Variants in PPP2R2B observed in about 807,000 individuals in gnomAD.
The protein encoded by PPP2R2B is protein phosphatase 2 regulatory subunit Bbeta.
In PPP2R2B, 5 loss-of-function variants were observed where a neutral mutation model predicts 46.0. That is an observed-to-expected ratio of 0.11 (90% confidence interval 0.06 to 0.23). The LOEUF is 0.23. Among genes scored for constraint, PPP2R2B ranks in the 10% least tolerant of loss-of-function variants. The pLI is 1.00. For missense variants in PPP2R2B, 367 were observed against 575.0 expected, an observed-to-expected ratio of 0.64 and a Z score of 3.70; for synonymous variants, 215 against 206.7, an observed-to-expected ratio of 1.04 and a Z score of -0.34.
chr5:146,771,816 C>T (rs1009342108), intron 2 of PPP2R2B, among the ~76,000 whole-genome samples: 2 of 152,238 alleles, frequency 1.3e-5, no homozygotes, highest in South Asian at 4.1e-4. Flanking sequence ...CTAGCCAATG[C>T]AATGTGGGTG....
Position 146,855,014 on chromosome 5 carries a change from AG to A in PPP2R2B, c.70+22987del, listed in dbSNP as rs1351482036. ...TCTCCCTCCATCTTGGAGGAGGAATAGGGGGCATAAAAGTTGGAAGCTCCAG... is the reference window on the plus strand; with the variant it reads ...TCTCCCTCCATCTTGGAGGAGGAATAGGGGCATAAAAGTTGGAAGCTCCAG... On this transcript the variant is annotated intron_variant, in intron 2 of 9. Transcript: ENST00000394411. 2.0e-5 allele frequency among the ~76,000 whole-genome samples: 3 copies of A among 152,134 alleles called. No individual in the cohort carries two copies. In the East Asian group the frequency reaches 5.8e-4, roughly 29 times the overall value.
chr5:147,007,817 C>T (rs945388771), intron 1 of PPP2R2B, among the ~76,000 whole-genome samples: 2 of 152,130 alleles, frequency 1.3e-5, no homozygotes, highest in African/African-American at 2.4e-5. Context: ...ACCATGAACC[C>T]ACAACTGGAC....
chr5:146,711,292 C>T (rs919190881), intron 2 of PPP2R2B, among the ~76,000 whole-genome samples: 2 of 152,032 alleles, frequency 1.3e-5, no homozygotes, highest in African/African-American at 4.8e-5. Flanking sequence ...TAATGGATCA[C>T]TGAATGGGCA....
intron 2 of PPP2R2B, among the ~76,000 whole-genome samples, chr5:146,829,996 A>G (rs889949307): frequency 4.5e-4 from 68 of 152,318 alleles, no homozygotes; most frequent in African/African-American, 1.5e-3. Flanking sequence ...TTGTGAGAAT[A>G]CCTACATCAT....
At chr5:146,792,741 G>A (rs1212872809) in intron 2 of PPP2R2B, among the ~76,000 whole-genome samples, 1 of 152,200 alleles carries the variant, frequency 6.6e-6, no homozygotes, top group African/African-American at 2.4e-5. Flanking sequence ...AACTGCCAAT[G>A]TTAAGGCCTT....
In PPP2R2B at chr5:146,781,070, C is replaced by A. The variant is rs1156829799; in HGVS notation, c.71-79928G>T. On this transcript the variant is annotated intron_variant, in intron 2 of 9. Transcript: ENST00000394411. ...CTATTGACAGAGCATTTATTATTTG[C>A]TCTGGACTATGTTAACTTCTTCCTA... 3.6e-5 allele frequency among the ~76,000 whole-genome samples: 5 copies of A among 139,558 alleles called. No individual in the cohort carries two copies. The Admixed American group carries it at 3.9e-4, about 11-fold the overall frequency. 91.6% of individuals were successfully genotyped at this position (139,558 alleles called of 152,430 possible).
At chr5:146,920,277 A>G (rs891406525) in intron 1 of PPP2R2B, among the ~76,000 whole-genome samples, 3 of 152,050 alleles carry the variant, frequency 2.0e-5, no homozygotes, top group Non-Finnish European at 4.4e-5. Context: ...CGTAATAACT[A>G]GTGACATGGG....
rs1561746782 is a variant in PPP2R2B at position 146,590,392 on chromosome 5, T to TGTGTG, written c.1053-167_1053-166insCACAC. On this transcript the variant is annotated intron_variant, in intron 9 of 9. Transcript: ENST00000394411. ...TGTGATTATTGGCTTTTTGTTTTTT[T>TGTGTG]TTTGTGTTTTTTTTTTTTTTTTTTG... 6.3e-4 allele frequency among the ~76,000 whole-genome samples: 94 copies of TGTGTG among 148,668 alleles called. 1 individual carries two copies. The highest frequency in any genetic ancestry group is 2.3e-3 in the African/African-American group (92 of 39,170).
intron 2 of PPP2R2B, among the ~76,000 whole-genome samples, chr5:146,873,413 T>C (rs1761722822): frequency 6.6e-6 from 1 of 152,186 alleles, no homozygotes; most frequent in South Asian, 2.1e-4. Flanking sequence ...TCTGATCATG[T>C]TTCCCTTTTC....
intron 2 of PPP2R2B, among the ~76,000 whole-genome samples, chr5:146,823,405 G>T (rs1201464983): frequency 6.6e-6 from 1 of 151,866 alleles, no homozygotes; most frequent in Non-Finnish European, 1.5e-5. Flanking sequence ...CACCATGTTA[G>T]CCAGGATGGT....
rs138417072 is a variant in PPP2R2B at position 147,023,848 on chromosome 5, T to G, written c.79+31817A>C. 6.0e-4 allele frequency among the ~76,000 whole-genome samples: 90 copies of G among 149,600 alleles called. 1 individual carries two copies. The East Asian group carries it at 0.017, about 29-fold the overall frequency. On this transcript the variant is annotated intron_variant, in intron 1 of 8. Transcript: ENST00000336640. ...AGGGCCCAGACAGAAAAAAAAAAAGTAGAGGAAGGACAAATTTGCTCTTTC... is the reference window on the plus strand; with the variant it reads ...AGGGCCCAGACAGAAAAAAAAAAAGGAGAGGAAGGACAAATTTGCTCTTTC...
chr5:146,887,311 T>C (rs1313031495), intron 1 of PPP2R2B, among the ~76,000 whole-genome samples: 1 of 152,126 alleles, frequency 6.6e-6, no homozygotes, highest in Non-Finnish European at 1.5e-5. Flanking sequence ...AGAGGTACAA[T>C]GGAACTGTTT....
At chr5:146,824,279 T>TTCATGACA (rs1758437952) in intron 2 of PPP2R2B, among the ~76,000 whole-genome samples, 1 of 152,160 alleles carries the variant, frequency 6.6e-6, no homozygotes, top group Admixed American at 6.5e-5. Context: ...CAGATGGAGA[T>TTCATGACA]TCATGACATG....
chr5:146,798,018 T>C (rs930887251), intron 2 of PPP2R2B, among the ~76,000 whole-genome samples: 8 of 152,150 alleles, frequency 5.3e-5, no homozygotes, highest in Admixed American at 1.3e-4. Context: ...AGAGTCTCCC[T>C]TCCCATAACT....
Position 146,588,375 on chromosome 5 carries a change from T to C in PPP2R2B, c.*1572A>G, listed in dbSNP as rs1028127257. The stretch of plus-strand genomic sequence containing the variant: ...AGATAAAATGATTCTTTCACTATTT[T>C]TTCCTCCTCCAAAGCAAATTACACT... On this transcript the variant is annotated 3_prime_UTR_variant, in exon 10 of 10. Coordinates refer to ENST00000394411, the MANE Select transcript of PPP2R2B (RefSeq NM_181675.4). 2.0e-5 allele frequency: 3 copies of C among 152,224 alleles called. No individual in the cohort carries two copies. Among genetic ancestry groups the C allele is most frequent in the Admixed American group, 2.0e-4 (3 of 15,286 alleles). The allele number at this position is 152,224 out of a possible 1,614,324, so 9.4% of individuals were successfully genotyped here.
rs1015807040 is a variant in PPP2R2B, at chr5:146,950,915, C to T, written c.79+104750G>A. Among the ~76,000 whole-genome samples the T allele has an allele frequency of 4.0e-5, 6 of 151,878 alleles. No homozygotes were observed. In the East Asian group the frequency reaches 5.8e-4, roughly 15 times the overall value. Reference sequence around the variant, plus strand: ...TTTAATTCTTAGTGCCAAAAATTTTCGGCAATATGGATAAAACACTAAAGG... The same window carrying T: ...TTTAATTCTTAGTGCCAAAAATTTTTGGCAATATGGATAAAACACTAAAGG... On this transcript the variant is annotated intron_variant, in intron 1 of 8. Coordinates refer to the PPP2R2B transcript ENST00000336640.
chr5:146,996,021 G>A (rs1465683486), intron 1 of PPP2R2B, among the ~76,000 whole-genome samples: 1 of 152,192 alleles, frequency 6.6e-6, no homozygotes, highest in African/African-American at 2.4e-5. Flanking sequence ...GACAATTTTT[G>A]TGAGTGGTTG....
rs1463203823 is a variant in PPP2R2B at position 146,698,770 on chromosome 5, A to G, written c.169-626T>C. On this transcript the variant is annotated intron_variant, in intron 3 of 9. Transcript: ENST00000394411. ...CTCCTTTTTTTTTTTTTTCTTTCCA[A>G]CATGAGTGACAAAGCAGACAGGAGC... Among the ~76,000 whole-genome samples the G allele has an allele frequency of 4.0e-5, 6 of 151,798 alleles. No homozygotes were observed. In the South Asian group the frequency reaches 1.3e-3, roughly 32 times the overall value.
chr5:146,659,574 C>A (rs918741690), intron 5 of PPP2R2B, among the ~76,000 whole-genome samples: 1 of 152,154 alleles, frequency 6.6e-6, no homozygotes, highest in East Asian at 1.9e-4. Flanking sequence ...TTGACACATA[C>A]CATCTAACGA....
Sources: allele counts gnomAD v4.1 joint callset (sites outside exome capture counted in the v4.1 genomes callset), GRCh38; gene constraint gnomAD v4.1.1; transcripts MANE v1.5; gene names NCBI Gene and HGNC (gene_info 2026-07-23, HGNC 2026-07-21).